The following PDE10A variants were observed in gnomAD, a reference collection of about 807,000 sequenced individuals.
PDE10A encodes the protein phosphodiesterase 10A.
A neutral mutation model predicts 97.7 loss-of-function variants in PDE10A; 39 were observed. That is an observed-to-expected ratio of 0.40 (90% CI 0.31 to 0.52). PDE10A has a LOEUF of 0.52. Ranked by LOEUF, PDE10A falls within the 20% of genes least tolerant of loss-of-function variation. The pLI is 0.56. For synonymous variants in PDE10A, 371 were observed against 376.8 expected, an observed-to-expected ratio of 0.98 and a Z score of 0.18; for missense variants, 731 against 1,047.8, an observed-to-expected ratio of 0.70 and a Z score of 4.17.
chr6:165,509,423 T>C (rs1443389445), intron 2 of PDE10A, among the ~76,000 whole-genome samples: 1 of 152,054 alleles, frequency 6.6e-6, no homozygotes, highest in African/African-American at 2.4e-5. Context: ...AGTTCTTTAT[T>C]CTGTTCCATT....
At chr6:165,967,673 T>C (rs705798) in intron 1 of PDE10A, among the ~76,000 whole-genome samples, 143,984 of 152,306 alleles carry the variant, frequency 0.95, 68,104 homozygotes, top group East Asian at 1. Flanking sequence ...AGAAGTGTCT[T>C]GGGCATTTTC....
chr6:165,830,978 G>A (rs1433290588), intron 1 of PDE10A, among the ~76,000 whole-genome samples: 1 of 152,058 alleles, frequency 6.6e-6, no homozygotes. Context: ...AAACCCCCAG[G>A]TGCCAATCAT....
chr6:165,444,495 A>G (rs1294364713), intron 5 of PDE10A, among the ~76,000 whole-genome samples: 1 of 151,916 alleles, frequency 6.6e-6, no homozygotes, highest in Non-Finnish European at 1.5e-5. Flanking sequence ...TTTTCTGTCC[A>G]TTTTCTCCAT....
At chr6:165,447,599 T>TTA (rs1790959858) in intron 5 of PDE10A, among the ~76,000 whole-genome samples, 1 of 152,212 alleles carries the variant, frequency 6.6e-6, no homozygotes, top group Non-Finnish European at 1.5e-5. Flanking sequence ...AGAAATTACT[T>TTA]TTAATAAAAA....
At chr6:165,551,210 G>A (rs1405418213) in intron 1 of PDE10A, among the ~76,000 whole-genome samples, 1 of 152,184 alleles carries the variant, frequency 6.6e-6, no homozygotes, top group African/African-American at 2.4e-5. Context: ...AAAAGCAAAT[G>A]AAGGTCAGCA....
chr6:165,459,022 G>T (rs1172963295), intron 3 of PDE10A, among the ~76,000 whole-genome samples: 1 of 152,046 alleles, frequency 6.6e-6, no homozygotes, highest in Admixed American at 6.6e-5. Flanking sequence ...AGCCCGTCTT[G>T]TGTTTCCTGA....
intron 1 of PDE10A, among the ~76,000 whole-genome samples, chr6:165,606,652 G>GA (rs1562623919): frequency 2.4e-4 from 36 of 152,116 alleles, no homozygotes; most frequent in Non-Finnish European, 1.5e-5. Context: ...TGGGAACAGG[G>GA]AAACATTTCT....
intron 1 of PDE10A, among the ~76,000 whole-genome samples, chr6:165,789,698 C>G (rs1022919900): frequency 3.7e-4 from 57 of 152,184 alleles, no homozygotes; most frequent in African/African-American, 1.4e-3. Flanking sequence ...AAACGCCGTG[C>G]GGTCACTAGA....
At chr6:165,537,534 A>C (rs1256318568) in intron 2 of PDE10A, among the ~76,000 whole-genome samples, 4 of 152,012 alleles carry the variant, frequency 2.6e-5, no homozygotes, top group Non-Finnish European at 5.9e-5. Flanking sequence ...AATATGTATA[A>C]TTACTAAGTA....
intron 1 of PDE10A, among the ~76,000 whole-genome samples, chr6:165,970,644 G>C (rs1437240841): frequency 6.6e-6 from 1 of 152,132 alleles, no homozygotes; most frequent in African/African-American, 2.4e-5. Flanking sequence ...GAGGAAAGAA[G>C]CCATATCTAT....
intron 5 of PDE10A, among the ~76,000 whole-genome samples, chr6:165,443,798 C>T (rs1429548897): frequency 6.6e-6 from 1 of 152,170 alleles, no homozygotes; most frequent in Non-Finnish European, 1.5e-5. Context: ...ACACAGGACA[C>T]CATGTTTGGA....
At chr6:165,542,411 C>T (rs995749825) in intron 2 of PDE10A, among the ~76,000 whole-genome samples, 1 of 152,164 alleles carries the variant, frequency 6.6e-6, no homozygotes, top group Middle Eastern at 3.4e-3. Flanking sequence ...ATAACTGCTT[C>T]TTAAACAGTC....
intron 18 of PDE10A, among the ~76,000 whole-genome samples, chr6:165,371,201 C>T (rs1039470844): frequency 2.6e-5 from 4 of 151,644 alleles, no homozygotes; most frequent in Admixed American, 1.3e-4. Context: ...CATTCAAAAG[C>T]TAGCAGAAGG....
chr6:165,887,611 G>A (rs1184781849), intron 1 of PDE10A, among the ~76,000 whole-genome samples: 2 of 152,146 alleles, frequency 1.3e-5, no homozygotes, highest in Admixed American at 6.5e-5. Flanking sequence ...CAGTGACTAA[G>A]ACCAATATGC....
intron 1 of PDE10A, among the ~76,000 whole-genome samples, chr6:165,687,176 G>A (rs1791145413): frequency 6.6e-6 from 1 of 152,230 alleles, no homozygotes; most frequent in African/African-American, 2.4e-5. Context: ...CTGGCAGGAA[G>A]GGCCCCTCTG....
At chr6:165,736,755 A>C (rs1436300281) in intron 1 of PDE10A, among the ~76,000 whole-genome samples, 1 of 152,218 alleles carries the variant, frequency 6.6e-6, no homozygotes, top group Non-Finnish European at 1.5e-5. Context: ...CAAGGAACTA[A>C]AAAAGAACAA....
chr6:165,589,633 G>A (rs1007643233), intron 1 of PDE10A, among the ~76,000 whole-genome samples: 2 of 152,062 alleles, frequency 1.3e-5, no homozygotes, highest in East Asian at 1.9e-4. Context: ...CTGGCATAGA[G>A]ATTATTTTTG....
intron 1 of PDE10A, among the ~76,000 whole-genome samples, chr6:165,544,425 G>T (rs931958084): frequency 8.6e-5 from 13 of 151,988 alleles, no homozygotes; most frequent in African/African-American, 3.1e-4. Flanking sequence ...TTTCAATTTG[G>T]TGCTTTGTGT....
chr6:165,636,491 C>CA (rs1447205805), intron 1 of PDE10A, among the ~76,000 whole-genome samples: 1 of 152,080 alleles, frequency 6.6e-6, no homozygotes, highest in Non-Finnish European at 1.5e-5. Flanking sequence ...TACAGCTTTT[C>CA]AAAAAACCTT....
Sources: allele counts gnomAD v4.1 joint callset (sites outside exome capture counted in the v4.1 genomes callset), GRCh38; gene constraint gnomAD v4.1.1; transcripts MANE v1.5; gene names NCBI Gene and HGNC (gene_info 2026-07-23, HGNC 2026-07-21).